GPR155: variants seen among roughly 807,000 people sequenced by gnomAD.
The protein encoded by GPR155 is G protein-coupled receptor 155.
Under a neutral mutation model 93.1 loss-of-function variants are expected in GPR155, and 65 were observed. That is an observed-to-expected ratio of 0.70 (90% CI 0.57 to 0.86). The LOEUF (loss-of-function observed/expected upper bound fraction) is 0.86, where lower values mean the gene tolerates loss of function less well. Ranked by LOEUF, GPR155 falls within the 40% of genes least tolerant of loss-of-function variation. The pLI is 0.00. For synonymous variants in GPR155, 319 were observed against 360.1 expected, an observed-to-expected ratio of 0.89 and a Z score of 1.29; for missense variants, 838 against 1,034.8, an observed-to-expected ratio of 0.81 and a Z score of 2.61.
At position 174,431,843 on chromosome 2, in the gene GPR155, ATTG is replaced by A. The variant is rs1200671371; in HGVS notation, c.*4270_*4272del. On this transcript the variant is annotated 3_prime_UTR_variant, in exon 16 of 16. Transcript: ENST00000392552. ...TGCTTTAGAAATTTACTGACCATTA[ATTG>A]TTGTTCTCAAAATGCCAAATACACT... The A allele has an allele frequency of 3.3e-5, 5 of 152,236 alleles. No individual in the cohort carries two copies. In the East Asian group the frequency reaches 5.8e-4, roughly 18 times the overall value. 9.4% of individuals were successfully genotyped at this position (152,236 alleles called of 1,614,324 possible). A position where few individuals can be genotyped will look rare whatever the true frequency, so the allele number is the denominator to read the frequency against.
At chr2:174,452,529 A>G (rs1182304498) in intron 11 of GPR155, among the ~76,000 whole-genome samples, 1 of 152,248 alleles carries the variant, frequency 6.6e-6, no homozygotes, top group Non-Finnish European at 1.5e-5. Context: ...TAGTTTGATT[A>G]TAAATAAGTA....
chr2:174,481,772 G>A lies in GPR155; in HGVS notation c.185C>T (p.Ala62Val). 6.8e-6 allele frequency: 11 copies of A among 1,614,182 alleles called. No individual in the cohort carries two copies. Among genetic ancestry groups the A allele is most frequent in the Non-Finnish European group, 9.3e-6 (11 of 1,180,024 alleles). Residue 62 changes from alanine to valine, a missense_variant, in exon 2 of 16, where the codon GCC becomes GTC. By Grantham distance (64) the Ala-to-Val change is moderately conservative (BLOSUM62 0). Coordinates refer to ENST00000392552, the MANE Select transcript of GPR155 (RefSeq NM_152529.7). ...GGCCTGGGTTGATGTTATGACATTG[G>A]CCCTTCCTGCTATGTAGCCACAAAG... ...IVLCGYIAGRANVITSTQAKG... is the reference protein window; with the variant it reads ...IVLCGYIAGRVNVITSTQAKG...
intron 15 of GPR155, among the ~76,000 whole-genome samples, chr2:174,439,077 CA>C (rs1189060177): frequency 6.6e-6 from 1 of 152,190 alleles, no homozygotes; most frequent in Non-Finnish European, 1.5e-5. Flanking sequence ...TATTAGTCCA[CA>C]CCCACTGCAG....
chr2:174,447,395 A>G (rs1402937558), intron 11 of GPR155, among the ~76,000 whole-genome samples: 2 of 146,574 alleles, frequency 1.4e-5, no homozygotes, highest in African/African-American at 4.9e-5. Context: ...ATTATATATA[A>G]TTTTTATTTT....
At chr2:174,446,845 C>T in intron 11 of GPR155, 98 bp from the exon 12 acceptor site, 1 of 1,074,694 alleles carries the variant, frequency 9.3e-7, no homozygotes, top group Non-Finnish European at 1.4e-6. Context: ...CAGAAAAGCA[C>T]ATTCAGCTAA....
At chr2:174,477,036 G>A (rs1335191295) in intron 2 of GPR155, among the ~76,000 whole-genome samples, 1 of 152,092 alleles carries the variant, frequency 6.6e-6, no homozygotes, top group East Asian at 1.9e-4. Flanking sequence ...CTTGCTGAAT[G>A]GTACGAACAC....
intron 1 of GPR155, among the ~76,000 whole-genome samples, chr2:174,485,313 A>T (rs1374645375): frequency 6.6e-6 from 1 of 151,936 alleles, no homozygotes; most frequent in African/African-American, 2.4e-5. Context: ...AACAAAAAAA[A>T]GGGCCGGGCG....
chr2:174,447,521 T>C (rs1687175982), intron 11 of GPR155, among the ~76,000 whole-genome samples: 3 of 146,026 alleles, frequency 2.1e-5, no homozygotes. Flanking sequence ...TATAAATTTA[T>C]ATATAATTAT....
intron 11 of GPR155, among the ~76,000 whole-genome samples, chr2:174,452,394 T>C (rs1189536740): frequency 6.6e-6 from 1 of 152,238 alleles, no homozygotes; most frequent in Non-Finnish European, 1.5e-5. Context: ...CATACTGTGC[T>C]AAGTGATTTG....
Position 174,439,943 on chromosome 2 carries a change from T to C in GPR155, c.2267A>G (p.His756Arg), listed in dbSNP as rs1686905711. Reference sequence around the variant, plus strand: ...TCGGATACAGAGGTCACGGTGATAATGGATAAATTGTTGACAGGTCATTTT... The same window carrying C: ...TCGGATACAGAGGTCACGGTGATAACGGATAAATTGTTGACAGGTCATTTT... ...EIKMTCQQFI[H>R]YHRDLCIRNI... Residue 756 changes from histidine to arginine, a missense_variant, in exon 15 of 16, where the codon CAT becomes CGT. Transcript: ENST00000392552. 2 of 1,613,388 alleles carry C rather than the reference T, an allele frequency of 1.2e-6. No individual in the cohort carries two copies. The highest frequency in any genetic ancestry group is 1.3e-5 in the African/African-American group (1 of 75,028).
chr2:174,482,660 T>C (rs1240295042), intron 1 of GPR155, among the ~76,000 whole-genome samples: 1 of 152,224 alleles, frequency 6.6e-6, no homozygotes, highest in Non-Finnish European at 1.5e-5. Context: ...GCGATTCGTG[T>C]GCCACCACGC....
At chr2:174,440,972 C>T (rs919505467) in intron 14 of GPR155, among the ~76,000 whole-genome samples, 1 of 152,174 alleles carries the variant, frequency 6.6e-6, no homozygotes, top group Non-Finnish European at 1.5e-5. Flanking sequence ...ACCATAGGGG[C>T]ACACCACCTA....
At chr2:174,468,773 G>T in intron 5 of GPR155, 139 bp downstream of exon 5, 1 of 747,952 alleles carries the variant, frequency 1.3e-6, no homozygotes, top group Non-Finnish European at 2.2e-6. Context: ...TTAATCAGAA[G>T]GCTGACATTA....
intron 2 of GPR155, among the ~76,000 whole-genome samples, chr2:174,473,748 A>C (rs527825283): frequency 6.6e-6 from 1 of 152,186 alleles, no homozygotes. Flanking sequence ...GTATCCATGG[A>C]AAGAACAGTT....
chr2:174,439,893 C>G lies in GPR155; in HGVS notation c.2312+5G>C, dbSNP rs67227536. 0.034 allele frequency: 54,630 copies of G among 1,610,882 alleles called. 1,495 individuals carry two copies. The highest frequency in any genetic ancestry group is 0.11 in the South Asian group (9,989 of 90,676). On this transcript the variant is annotated splice_donor_5th_base_variant and intron_variant, in intron 15 of 15. Coordinates refer to ENST00000392552, the MANE Select transcript of GPR155 (RefSeq NM_152529.7). ...GTCTAGAACCTGTACTGGCACTTTG[C>G]TTACCTTCTTTCTTTGACAATGTTT...
At chr2:174,476,603 C>T (rs1688173611) in intron 2 of GPR155, among the ~76,000 whole-genome samples, 1 of 151,012 alleles carries the variant, frequency 6.6e-6, no homozygotes, top group South Asian at 2.1e-4. Context: ...GACTCTGTCT[C>T]AAAAAACAAA....
At chr2:174,436,462 TCAG>T in intron 15 of GPR155, 46 bp from the exon 16 acceptor site, 1 of 1,564,464 alleles carries the variant, frequency 6.4e-7, no homozygotes, top group Non-Finnish European at 8.8e-7. Context: ...AAATCTGGTA[TCAG>T]CACTGCATGA....
Position 174,461,461 on chromosome 2 carries a change from T to G in GPR155, c.1501A>C (p.Ile501Leu), listed in dbSNP as rs1687692034. Residue 501 changes from isoleucine (I) to leucine (L), a missense_variant, in exon 9 of 16, where the codon ATA becomes CTA. By Grantham distance (5) the Ile-to-Leu change is conservative. Around this residue, in one of 3 missense-constraint regions of GPR155, gnomAD observed 663 missense variants for 790.1 expected, o/e 0.84. Transcript: ENST00000392552. Reference sequence around the variant, plus strand: ...CTATCTCCATTGTGTTTTCCAGTTATCAAAAGAACACCAACAAGGAGAGCA... The same window carrying G: ...CTATCTCCATTGTGTTTTCCAGTTAGCAAAAGAACACCAACAAGGAGAGCA... ...IPALLVGVLL[I>L]TGKHNGDSID... 1 of 1,613,274 alleles carries G rather than the reference T, an allele frequency of 6.2e-7. No homozygotes were observed. The highest frequency in any genetic ancestry group is 1.7e-5 in the Admixed American group (1 of 59,996).
intron 7 of GPR155, 35 bp downstream of exon 7, chr2:174,465,750 A>T (rs1486805791): frequency 2.0e-6 from 2 of 1,012,148 alleles, no homozygotes; most frequent in African/African-American, 3.2e-5. Flanking sequence ...TGGGGTGGGG[A>T]ACAGATCTCA....
Sources: gnomAD v4.1 joint callset for allele counts (sites outside exome capture counted in the v4.1 genomes callset) on GRCh38, gnomAD v4.1.1 for gene constraint, gnomAD v4.1.1 regional missense constraint, MANE v1.5 for transcripts, NCBI Gene and HGNC (gene_info 2026-07-23, HGNC 2026-07-21) for gene names.